ARHGAP6: variants seen among roughly 807,000 people sequenced by gnomAD.
The protein encoded by ARHGAP6 is Rho GTPase activating protein 6, also known as rho GTPase-activating protein 6.
ARHGAP6 carries 16 observed loss-of-function variants against 55.7 expected under a neutral mutation model. That is an observed-to-expected ratio of 0.29 (90% CI 0.19 to 0.44). The LOEUF (loss-of-function observed/expected upper bound fraction) is 0.44, where lower values mean the gene tolerates loss of function less well. Ranked by LOEUF, ARHGAP6 falls within the 20% of genes least tolerant of loss-of-function variation. The probability of loss-of-function intolerance (pLI) is 1.00; values close to 1 mark genes in which losing one functional copy is unlikely to be tolerated. For synonymous variants in ARHGAP6, 382 were observed against 360.9 expected (o/e 1.06, Z -0.66); for missense variants, 698 against 808.9 (o/e 0.86, Z 1.66).
chrX:11,277,263 G>C (rs1002388066), intron 1 of ARHGAP6, among the ~76,000 whole-genome samples: 4 of 111,136 alleles, frequency 3.6e-5, no homozygotes, highest in East Asian at 5.6e-4. Flanking sequence ...ACTAAATTTT[G>C]CTTGTCCATT....
intron 1 of ARHGAP6, among the ~76,000 whole-genome samples, chrX:11,401,707 T>A (rs1034915357): frequency 8.9e-6 from 1 of 111,842 alleles, no homozygotes; most frequent in African/African-American, 3.3e-5. Context: ...GCCATTCATA[T>A]GTACAGGATA....
intron 1 of ARHGAP6, among the ~76,000 whole-genome samples, chrX:11,455,683 T>C (rs773051335): frequency 8.9e-6 from 1 of 112,073 alleles, no homozygotes; most frequent in East Asian, 2.8e-4. Flanking sequence ...CCGTGGCTTC[T>C]CTCCAATTGT....
chrX:11,591,981 G>T (rs890397791), intron 1 of ARHGAP6, among the ~76,000 whole-genome samples: 2 of 111,476 alleles, frequency 1.8e-5, no homozygotes, highest in African/African-American at 6.5e-5. Context: ...CTTACAGTAG[G>T]TTCCCCAAAA....
At position 11,436,826 on chromosome X, in the gene ARHGAP6, T is replaced by C. The variant is rs989171143; in HGVS notation, c.589-182119A>G. 6.8e-5 allele frequency among the ~76,000 whole-genome samples: 7 copies of C among 102,439 alleles called. No individual in the cohort carries two copies. The East Asian group carries it at 2.2e-3, about 33-fold the overall frequency. 89.0% of individuals were successfully genotyped at this position (102,439 alleles called of 115,157 possible). ...TTTCATTTATACAAAATGTCAAGAA[T>C]AAGCAAATCCACAGAGTAGATGTCG... On this transcript the variant is annotated intron_variant, in intron 1 of 12. Transcript: ENST00000337414.
chrX:11,604,148 A>T (rs757872797), intron 1 of ARHGAP6, among the ~76,000 whole-genome samples: 1 of 111,982 alleles, frequency 8.9e-6, no homozygotes, highest in Admixed American at 9.4e-5. Context: ...CTAGCATTCC[A>T]TTGGCTAAAG....
In ARHGAP6 at chrX:11,460,732, T is replaced by G. The variant is rs185042156; in HGVS notation, c.588+203509A>C. ...GCCTCCTCCTGCATTGTTTGTGCAG[T>G]TTACCACAGTCCTAGGAGCTAGACT... On this transcript the variant is annotated intron_variant, in intron 1 of 12. Transcript: ENST00000337414. Among the ~76,000 whole-genome samples the G allele has an allele frequency of 2.7e-5, 3 of 111,916 alleles. No individual in the cohort carries two copies. The Admixed American group carries it at 2.8e-4, about 11-fold the overall frequency.
chrX:11,293,685 T>C (rs1603029246), intron 1 of ARHGAP6, among the ~76,000 whole-genome samples: 1 of 112,026 alleles, frequency 8.9e-6, no homozygotes, highest in East Asian at 2.8e-4. Flanking sequence ...CAAAGGTCTT[T>C]CTTGGCCACA....
intron 1 of ARHGAP6, among the ~76,000 whole-genome samples, chrX:11,276,793 T>C (rs1437356897): frequency 2.7e-5 from 3 of 112,540 alleles, no homozygotes; most frequent in Non-Finnish European, 3.8e-5. Context: ...CTCTGATGTA[T>C]AGAAAATCAT....
chrX:11,622,731 T>A (rs1240410228), intron 1 of ARHGAP6, among the ~76,000 whole-genome samples: 3 of 111,843 alleles, frequency 2.7e-5, no homozygotes, highest in South Asian at 3.7e-4. Context: ...CTGTACTATT[T>A]AGCATAAATG....
rs771155355 is a variant in ARHGAP6, at chrX:11,142,293, C to T, written c.2197G>A (p.Asp733Asn). ...LGKDLSEEPF[D>N]IWGTWHSTLK... ...GTTGAATGCCAAGTTCCCCAGATAT[C>T]GAAAGGCTCCTCTGACAGATCTAGG... Residue 733 changes from aspartate to asparagine, a missense_variant, in exon 12 of 13, where the codon GAT (aspartate) becomes AAT (asparagine). Physicochemically the swap from Asp to Asn is conservative, Grantham distance 23. Transcript: ENST00000337414. 3.3e-6 allele frequency: 4 copies of T among 1,198,197 alleles called. No homozygotes were observed. Among genetic ancestry groups the T allele is most frequent in the Admixed American group, 2.2e-5 (1 of 45,655 alleles).
At chrX:11,314,156 G>C (rs2048329483) in intron 1 of ARHGAP6, among the ~76,000 whole-genome samples, 1 of 112,368 alleles carries the variant, frequency 8.9e-6, no homozygotes, top group Admixed American at 9.4e-5. Flanking sequence ...AATACTAGTT[G>C]ACAATGAAAT....
In ARHGAP6 at chrX:11,547,029, T is replaced by C. The variant is rs139082653; in HGVS notation, c.588+117212A>G. On this transcript the variant is annotated intron_variant, in intron 1 of 12. Coordinates refer to ENST00000337414, the MANE Select transcript of ARHGAP6 (RefSeq NM_013427.3). The stretch of plus-strand genomic sequence containing the variant: ...CTGAGACACATCAGCCTCACGTTCT[T>C]TGGAATCATTTGGGCAGCAGAATCT... Among the ~76,000 whole-genome samples the C allele has an allele frequency of 5.3e-3, 601 of 112,473 alleles. 3 individuals carry two copies. Among genetic ancestry groups the C allele is most frequent in the Non-Finnish European group, 7.5e-3 (398 of 53,280 alleles).
At chrX:11,270,466 T>C (rs1199755291) in intron 1 of ARHGAP6, among the ~76,000 whole-genome samples, 1 of 111,460 alleles carries the variant, frequency 9.0e-6, no homozygotes, top group Non-Finnish European at 1.9e-5. Context: ...GATGGGGCAA[T>C]GACCTCCAGG....
At chrX:11,329,474 A>T (rs966976993) in intron 1 of ARHGAP6, among the ~76,000 whole-genome samples, 3 of 112,143 alleles carry the variant, frequency 2.7e-5, no homozygotes, top group African/African-American at 9.7e-5. Context: ...TAATGAATTG[A>T]TTAGTTTAAT....
At chrX:11,401,296 C>T (rs1260652774) in intron 1 of ARHGAP6, among the ~76,000 whole-genome samples, 1 of 111,862 alleles carries the variant, frequency 8.9e-6, no homozygotes, top group African/African-American at 3.2e-5. Flanking sequence ...TATGTCCAAC[C>T]AGCTCATGAC....
At chrX:11,474,020 T>C (rs184322340) in intron 1 of ARHGAP6, among the ~76,000 whole-genome samples, 103 of 111,180 alleles carry the variant, frequency 9.3e-4, no homozygotes, top group Non-Finnish European at 1.5e-3. Flanking sequence ...CAGGCTCTAA[T>C]GCTGGGTTCT....
chrX:11,588,165 T>C (rs529740890), intron 1 of ARHGAP6, among the ~76,000 whole-genome samples: 2 of 112,152 alleles, frequency 1.8e-5, no homozygotes, highest in Admixed American at 1.9e-4. Flanking sequence ...TAGACATTCT[T>C]AAAGGAATCT....
intron 1 of ARHGAP6, among the ~76,000 whole-genome samples, chrX:11,286,773 C>T (rs912498740): frequency 3.6e-5 from 4 of 111,996 alleles, no homozygotes; most frequent in South Asian, 3.7e-4. Context: ...GTGCTAACAC[C>T]GACAAACCTT....
Position 11,665,897 on chromosome X carries a change from A to G in ARHGAP6, c.-1069T>C, listed in dbSNP as rs1435873842. 1.8e-5 allele frequency among the ~76,000 whole-genome samples: 2 copies of G among 111,911 alleles called. No individual in the cohort carries two copies. Among genetic ancestry groups the G allele is most frequent in the Admixed American group, 9.4e-5 (1 of 10,694 alleles). Reference sequence around the variant, plus strand: ...CGGCGAGGAGAGAAGGCAGCTCGCCACTGATACCGGGTCTCCTGGGGAGAA... The same window carrying G: ...CGGCGAGGAGAGAAGGCAGCTCGCCGCTGATACCGGGTCTCCTGGGGAGAA... On this transcript the variant is annotated 5_prime_UTR_variant, in exon 1 of 13. Coordinates refer to ENST00000337414, the MANE Select transcript of ARHGAP6 (RefSeq NM_013427.3).
Sources: allele counts gnomAD v4.1 joint callset (sites outside exome capture counted in the v4.1 genomes callset), GRCh38; gene constraint gnomAD v4.1.1; transcripts MANE v1.5; gene names NCBI Gene and HGNC (gene_info 2026-07-23, HGNC 2026-07-21).